PLEKHH2: variants seen among roughly 807,000 people sequenced by gnomAD.
The protein encoded by PLEKHH2 is pleckstrin homology, MyTH4 and FERM domain containing H2, also known as pleckstrin homology domain-containing family H member 2.
Under a neutral mutation model 187.9 loss-of-function variants are expected in PLEKHH2, and 129 were observed. The observed-to-expected ratio is 0.69, with a 90% CI of 0.59 to 0.79. The LOEUF (loss-of-function observed/expected upper bound fraction) is 0.79, where lower values mean the gene tolerates loss of function less well. Among genes scored for constraint, PLEKHH2 ranks in the 30% least tolerant of loss-of-function variants. The pLI is 0.00. For missense variants in PLEKHH2, 2,076 were observed against 1,751.2 expected (o/e 1.19, Z -3.31); for synonymous variants, 686 against 605.6 (o/e 1.13, Z -1.95).
rs1453100542 is a variant in PLEKHH2 at position 43,765,400 on chromosome 2, T to C, written c.4297-13T>C. On this transcript the variant is annotated splice_polypyrimidine_tract_variant and intron_variant, in intron 29 of 29. Transcript: ENST00000282406. ...TTCTAAGGAGCAAAACAATTCTGTTTTCCTTGTTTTAGATTCTTGAAATCA... is the reference window on the plus strand; with the variant it reads ...TTCTAAGGAGCAAAACAATTCTGTTCTCCTTGTTTTAGATTCTTGAAATCA... 1 of 1,612,462 alleles carries C rather than the reference T, an allele frequency of 6.2e-7. No homozygotes were observed. The highest frequency in any genetic ancestry group is 1.7e-5 in the Admixed American group (1 of 59,990).
chr2:43,686,862 C>T (rs928489104), intron 3 of PLEKHH2, among the ~76,000 whole-genome samples: 2 of 152,108 alleles, frequency 1.3e-5, no homozygotes, highest in Non-Finnish European at 2.9e-5. Context: ...AAACATATGG[C>T]CTTCCCTTTC....
In PLEKHH2 at chr2:43,761,410, C is replaced by CTTTT. The variant is rs568339874; in HGVS notation, c.4072-878_4072-875dup. On this transcript the variant is annotated intron_variant, in intron 27 of 29. Transcript: ENST00000282406. The stretch of plus-strand genomic sequence containing the variant: ...TATGAGAACCAGGAGTAGCTTTTAG[C>CTTTT]TTTTTTTTTTTTTTTTTTTAGATGA... Among the ~76,000 whole-genome samples the CTTTT allele has an allele frequency of 1.3e-3, 153 of 117,648 alleles. 2 individuals carry two copies. The highest frequency in any genetic ancestry group is 4.6e-3 in the African/African-American group (143 of 31,088). 77.2% of individuals were successfully genotyped at this position (117,648 alleles called of 152,430 possible).
intron 24 of PLEKHH2, among the ~76,000 whole-genome samples, chr2:43,748,583 C>A (rs1189072478): frequency 6.6e-6 from 1 of 152,166 alleles, no homozygotes; most frequent in Non-Finnish European, 1.5e-5. Flanking sequence ...GGGGTGGAGC[C>A]CAGGAGTCCC....
Position 43,739,725 on chromosome 2 carries a change from C to G in PLEKHH2, c.3123+1205C>G, listed in dbSNP as rs564907793. On this transcript the variant is annotated intron_variant, in intron 20 of 29. Coordinates refer to ENST00000282406, the MANE Select transcript of PLEKHH2 (RefSeq NM_172069.4). ...CCGCTCTTTCTCCACTTCCTGCCTC[C>G]AGCAGACAGTGAATGAATAAATTCG... Among the ~76,000 whole-genome samples, 3 of 152,334 alleles carry G rather than the reference C, an allele frequency of 2.0e-5. No homozygotes were observed. The South Asian group carries it at 6.2e-4, about 32-fold the overall frequency.
intron 1 of PLEKHH2, among the ~76,000 whole-genome samples, chr2:43,639,997 A>G (rs994922996): frequency 7.2e-5 from 11 of 152,034 alleles, no homozygotes; most frequent in African/African-American, 2.7e-4. Flanking sequence ...TGGTGGACAC[A>G]GGCTGTTTCT....
intron 2 of PLEKHH2, among the ~76,000 whole-genome samples, chr2:43,648,983 A>T (rs1666336301): frequency 6.6e-6 from 1 of 152,240 alleles, no homozygotes; most frequent in African/African-American, 2.4e-5. Flanking sequence ...AATTTCAATT[A>T]TATATGCCCT....
Position 43,692,569 on chromosome 2 carries a change from A to G in PLEKHH2, c.242A>G (p.Glu81Gly). The change falls in exon 4 of 30, where the codon GAG (glutamate) becomes GGG (glycine). Residue 81 changes from glutamate to glycine, a missense_variant. Coordinates refer to ENST00000282406, the MANE Select transcript of PLEKHH2 (RefSeq NM_172069.4). ...GCTAATATTCAAACCAGTGAATCAG[A>G]GACAAGATTATATAATAAGTGTCAA... is the stretch of plus-strand genomic sequence containing the variant. ...KAANIQTSES[E>G]TRLYNKCQDL... 1 of 1,599,130 alleles carries G rather than the reference A, an allele frequency of 6.3e-7. No individual in the cohort carries two copies. Among genetic ancestry groups the G allele is most frequent in the African/African-American group, 1.3e-5 (1 of 74,598 alleles).
chr2:43,648,722 A>C (rs1666316380), intron 2 of PLEKHH2, among the ~76,000 whole-genome samples: 1 of 151,788 alleles, frequency 6.6e-6, no homozygotes, highest in Non-Finnish European at 1.5e-5. Flanking sequence ...CTGGCATTAC[A>C]GTCATGGGCC....
At chr2:43,747,916 C>T (rs1292445763) in intron 24 of PLEKHH2, among the ~76,000 whole-genome samples, 1 of 152,234 alleles carries the variant, frequency 6.6e-6, no homozygotes, top group Non-Finnish European at 1.5e-5. Flanking sequence ...GTCTATCCCA[C>T]AGAAATATGC....
intron 25 of PLEKHH2, 147 bp downstream of exon 25, chr2:43,753,907 A>T: frequency 1.6e-6 from 1 of 644,918 alleles, no homozygotes; most frequent in Non-Finnish European, 2.4e-6. Context: ...CACTATAATT[A>T]TAGTTTGCCT....
At chr2:43,655,277 G>C (rs1262002727) in intron 2 of PLEKHH2, among the ~76,000 whole-genome samples, 4 of 152,122 alleles carry the variant, frequency 2.6e-5, no homozygotes, top group East Asian at 1.9e-4. Flanking sequence ...AAATGTTGGG[G>C]ATAATTAAAA....
chr2:43,677,452 C>T (rs951169891), intron 2 of PLEKHH2, among the ~76,000 whole-genome samples: 32 of 152,122 alleles, frequency 2.1e-4, no homozygotes, highest in Non-Finnish European at 3.8e-4. Flanking sequence ...TATCTTGCAA[C>T]GCCCTTAATC....
At position 43,673,932 on chromosome 2, in the gene PLEKHH2, A is replaced by T. The variant is rs146232714; in HGVS notation, c.124-4931A>T. On this transcript the variant is annotated intron_variant, in intron 2 of 29. Transcript: ENST00000282406. ...CTGATTGCGCCTTCAAGACAACTTT[A>T]CAATGTAGTTGGGAAGATAGTACAA... Among the ~76,000 whole-genome samples the T allele has an allele frequency of 9.3e-4, 141 of 152,310 alleles. 1 individual carries two copies. The highest frequency in any genetic ancestry group is 3.3e-3 in the African/African-American group (138 of 41,570).
intron 19 of PLEKHH2, 90 bp downstream of exon 19, chr2:43,731,692 G>T (rs1281208907): frequency 1.1e-5 from 10 of 890,234 alleles, no homozygotes; most frequent in Non-Finnish European, 1.6e-5. Context: ...AACATTTTGG[G>T]TTACAAAATT....
intron 2 of PLEKHH2, among the ~76,000 whole-genome samples, chr2:43,668,616 C>A (rs114500755): frequency 0.011 from 1,738 of 152,194 alleles, 29 homozygotes; most frequent in African/African-American, 0.039. Context: ...AATTGCAATT[C>A]TTTCTTCTGG....
chr2:43,671,641 A>G (rs1667503495), intron 2 of PLEKHH2, among the ~76,000 whole-genome samples: 1 of 152,066 alleles, frequency 6.6e-6, no homozygotes, highest in Admixed American at 6.5e-5. Flanking sequence ...TTGTATTTTT[A>G]GTTTGTTAAG....
chr2:43,659,868 C>T (rs1267944764), intron 2 of PLEKHH2, among the ~76,000 whole-genome samples: 1 of 152,044 alleles, frequency 6.6e-6, no homozygotes, highest in Non-Finnish European at 1.5e-5. Flanking sequence ...CTGCAAGGCA[C>T]TTTTTAAAAA....
chr2:43,727,661 A>G (rs769316934), intron 17 of PLEKHH2, among the ~76,000 whole-genome samples: 6 of 152,196 alleles, frequency 3.9e-5, no homozygotes, highest in Non-Finnish European at 7.3e-5. Flanking sequence ...GCCAAGTGCT[A>G]AGTATATCTC....
At position 43,700,175 on chromosome 2, in the gene PLEKHH2, C is replaced by A. The variant is rs569792620; in HGVS notation, c.1217C>A (p.Thr406Asn). 2 of 1,614,094 alleles carry A rather than the reference C, an allele frequency of 1.2e-6. No homozygotes were observed. Among genetic ancestry groups the A allele is most frequent in the East Asian group, 2.2e-5 (1 of 44,886 alleles). The change falls in exon 8 of 30, where the codon ACC (threonine) becomes AAC (asparagine). Residue 406 changes from threonine to asparagine, a missense_variant. By Grantham distance (65) the Thr-to-Asn change is moderately conservative. Coordinates refer to ENST00000282406, the MANE Select transcript of PLEKHH2 (RefSeq NM_172069.4). ...DYSSSSSEAN[T>N]PSPILTPALM... ...TCATCTTCATCGAGTGAAGCCAACA[C>A]CCCAAGCCCTATTTTGACCCCAGCT...
Sources: allele counts gnomAD v4.1 joint callset (sites outside exome capture counted in the v4.1 genomes callset), GRCh38; gene constraint gnomAD v4.1.1; transcripts MANE v1.5; gene names NCBI Gene and HGNC (gene_info 2026-07-23, HGNC 2026-07-21).